Variants in ADAM19 observed in about 807,000 individuals in gnomAD.
ADAM19 encodes the protein ADAM metallopeptidase domain 19, also known as disintegrin and metalloproteinase domain-containing protein 19.
ADAM19 carries 65 observed loss-of-function variants against 114.7 expected under a neutral mutation model. The ratio of observed to expected loss-of-function variants is 0.57; its 90% confidence interval spans 0.46 to 0.70. The LOEUF (loss-of-function observed/expected upper bound fraction) is 0.70. ADAM19 is among the 30% of genes least tolerant of loss of function. ADAM19 has a pLI of 0.00. For synonymous variants in ADAM19, 466 were observed against 460.5 expected, an observed-to-expected ratio of 1.01 and a Z score of -0.15; for missense variants, 1,063 against 1,204.7, an observed-to-expected ratio of 0.88 and a Z score of 1.74.
intron 22 of ADAM19, 153 bp downstream of exon 22, chr5:157,481,638 C>T: frequency 1.3e-6 from 2 of 1,550,998 alleles, no homozygotes; most frequent in Non-Finnish European, 1.7e-6. Flanking sequence ...AAGCGGGCAC[C>T]AAGAAACATG....
chr5:157,525,906 T>C (rs1406799024), intron 5 of ADAM19, among the ~76,000 whole-genome samples: 1 of 152,164 alleles, frequency 6.6e-6, no homozygotes, highest in Non-Finnish European at 1.5e-5. Flanking sequence ...GTGAGCCCTA[T>C]GTTTTCGAAG....
At chr5:157,562,949 G>A (rs7724199) in intron 3 of ADAM19, among the ~76,000 whole-genome samples, 20,265 of 152,058 alleles carry the variant, frequency 0.13, 1,424 homozygotes, top group Middle Eastern at 0.25. Context: ...TCTACTGGGG[G>A]CAGAACAGGA....
At chr5:157,535,776 G>A (rs1756746697) in intron 4 of ADAM19, among the ~76,000 whole-genome samples, 1 of 152,264 alleles carries the variant, frequency 6.6e-6, no homozygotes, top group Non-Finnish European at 1.5e-5. Flanking sequence ...CACCCCAAGG[G>A]GGCTTTCATA....
chr5:157,498,861 T>A (rs373089736), intron 13 of ADAM19, among the ~76,000 whole-genome samples: 257 of 152,240 alleles, frequency 1.7e-3, no homozygotes, highest in Admixed American at 2.8e-3. Flanking sequence ...GATTTTTTTT[T>A]AAAAAGACTA....
intron 3 of ADAM19, among the ~76,000 whole-genome samples, chr5:157,545,347 T>C (rs1757019987): frequency 6.6e-6 from 1 of 152,202 alleles, no homozygotes; most frequent in Non-Finnish European, 1.5e-5. Flanking sequence ...CTAGGGCACC[T>C]GGAGTTGGTC....
In ADAM19 at chr5:157,530,470, G is replaced by A. The variant is rs775123110; in HGVS notation, c.407+337C>T. On this transcript the variant is annotated intron_variant, in intron 5 of 22. Coordinates refer to ENST00000257527, the MANE Select transcript of ADAM19 (RefSeq NM_033274.5). ...ACCAACCCCAGTGCCTCCCCGTGCCGCCCCCCATGGCACAGCCGGGCCCCT... is the reference window on the plus strand; with the variant it reads ...ACCAACCCCAGTGCCTCCCCGTGCCACCCCCCATGGCACAGCCGGGCCCCT... Among the ~76,000 whole-genome samples the A allele has an allele frequency of 5.3e-5, 8 of 152,044 alleles. No individual in the cohort carries two copies. The East Asian group carries it at 5.8e-4, about 11-fold the overall frequency.
At chr5:157,495,780 T>A (rs568073474) in intron 14 of ADAM19, among the ~76,000 whole-genome samples, 180 of 151,926 alleles carry the variant, frequency 1.2e-3, no homozygotes, top group African/African-American at 4.2e-3. Flanking sequence ...ATTACAGGCG[T>A]CCACCACCAC....
intron 3 of ADAM19, among the ~76,000 whole-genome samples, chr5:157,556,925 G>A (rs1347463792): frequency 1.3e-5 from 2 of 152,212 alleles, no homozygotes; most frequent in African/African-American, 2.4e-5. Flanking sequence ...CTGTCAACCA[G>A]GCTAGAGTGC....
intron 12 of ADAM19, 104 bp from the exon 13 acceptor site, chr5:157,499,766 A>T: frequency 1.5e-6 from 1 of 654,006 alleles, no homozygotes; most frequent in Non-Finnish European, 2.6e-6. Context: ...CTCTCTAGCA[A>T]CTATCTCTTT....
chr5:157,566,093 A>T (rs1757652370), intron 2 of ADAM19: 2 of 144,908 alleles, frequency 1.4e-5, no homozygotes, highest in South Asian at 4.4e-4. Flanking sequence ...TGAGCGACAG[A>T]GCGAGACTCT....
At chr5:157,557,582 C>T (rs1195898373) in intron 3 of ADAM19, among the ~76,000 whole-genome samples, 1 of 152,172 alleles carries the variant, frequency 6.6e-6, no homozygotes, top group Admixed American at 6.5e-5. Flanking sequence ...GCTGCTATAA[C>T]AAAACAGCAT....
chr5:157,509,551 A>G, intron 8 of ADAM19, 84 bp from the exon 9 acceptor site: 2 of 1,069,428 alleles, frequency 1.9e-6, no homozygotes, highest in South Asian at 3.4e-5. Context: ...GTGGAGCTTG[A>G]GATTAAAAAG....
At chr5:157,501,204 T>C (rs1212650329) in intron 12 of ADAM19, among the ~76,000 whole-genome samples, 2 of 152,078 alleles carry the variant, frequency 1.3e-5, no homozygotes, top group Non-Finnish European at 2.9e-5. Flanking sequence ...TAATGTACCA[T>C]ATTTCTTCCC....
intron 3 of ADAM19, among the ~76,000 whole-genome samples, chr5:157,558,609 G>C (rs1757425415): frequency 6.6e-6 from 1 of 152,208 alleles, no homozygotes; most frequent in Non-Finnish European, 1.5e-5. Flanking sequence ...CCTGACAAGA[G>C]AGGGTCAAAG....
At chr5:157,491,756 C>T (rs921804703) in intron 17 of ADAM19, 33 bp from the exon 18 acceptor site, 3 of 1,610,604 alleles carry the variant, frequency 1.9e-6, no homozygotes, top group African/African-American at 2.7e-5. Flanking sequence ...GCATCAGCAC[C>T]CCAGAGAGCA....
intron 3 of ADAM19, among the ~76,000 whole-genome samples, chr5:157,547,986 T>A (rs181896798): frequency 1.4e-4 from 21 of 152,262 alleles, no homozygotes; most frequent in Non-Finnish European, 2.8e-4. Flanking sequence ...ACCAATTTCT[T>A]CTCTCATCAT....
At chr5:157,492,870 T>G in intron 16 of ADAM19, 103 bp downstream of exon 16, 1 of 1,245,216 alleles carries the variant, frequency 8.0e-7, no homozygotes, top group East Asian at 2.3e-5. Context: ...GGCTCAGAGG[T>G]TGGCGAGGTG....
intron 12 of ADAM19, among the ~76,000 whole-genome samples, chr5:157,502,579 A>G (rs1755602006): frequency 6.6e-6 from 1 of 152,246 alleles, no homozygotes; most frequent in Non-Finnish European, 1.5e-5. Context: ...ACTCATAAGA[A>G]GAACTGATCC....
intron 19 of ADAM19, 101 bp downstream of exon 19, chr5:157,490,209 G>A: frequency 7.2e-7 from 1 of 1,380,610 alleles, no homozygotes; most frequent in Non-Finnish European, 1.0e-6. Flanking sequence ...TGTCTTCCCT[G>A]AATTAGACCC....
Sources: allele counts gnomAD v4.1 joint callset (sites outside exome capture counted in the v4.1 genomes callset), GRCh38; gene constraint gnomAD v4.1.1; transcripts MANE v1.5; gene names NCBI Gene and HGNC (gene_info 2026-07-23, HGNC 2026-07-21).